The following NRXN1 variants were observed in gnomAD, a reference collection of about 807,000 sequenced individuals.
NRXN1 encodes the protein neurexin 1.
NRXN1 carries 39 observed loss-of-function variants against 150.9 expected under a neutral mutation model. The ratio of observed to expected loss-of-function variants is 0.26; its 90% confidence interval spans 0.20 to 0.34. The LOEUF is 0.34. Among genes scored for constraint, NRXN1 ranks in the 10% least tolerant of loss-of-function variants. The pLI is 1.00. For synonymous variants in NRXN1, 924 were observed against 757.0 expected, an observed-to-expected ratio of 1.22 and a Z score of -3.62; for missense variants, 1,815 against 1,949.9, an observed-to-expected ratio of 0.93 and a Z score of 1.30.
At chr2:50,720,890 G>C (rs1318919582) in intron 5 of NRXN1, among the ~76,000 whole-genome samples, 1 of 152,072 alleles carries the variant, frequency 6.6e-6, no homozygotes, top group African/African-American at 2.4e-5. Context: ...TGAACAGCTT[G>C]TCACTCCTAG....
intron 5 of NRXN1, among the ~76,000 whole-genome samples, chr2:50,921,628 A>G (rs1445653261): frequency 6.6e-6 from 1 of 151,822 alleles, no homozygotes; most frequent in Non-Finnish European, 1.5e-5. Flanking sequence ...TTCTAAATAT[A>G]TTAATTATGT....
intron 17 of NRXN1, among the ~76,000 whole-genome samples, chr2:50,239,199 T>G (rs2065758368): frequency 6.6e-6 from 1 of 151,926 alleles, no homozygotes; most frequent in Admixed American, 6.6e-5. Flanking sequence ...AGCCCATTGT[T>G]GATAAAAATA....
chr2:50,346,542 A>T lies in NRXN1; in HGVS notation c.3365-109572T>A. On this transcript the variant is annotated intron_variant, in intron 17 of 22. Coordinates refer to ENST00000401669, the MANE Select transcript of NRXN1 (RefSeq NM_001330078.2). The surrounding 1 kb of genome is among the most constrained non-coding windows in gnomAD (Gnocchi z 5.0). ...CATCCCCTTTCTATTGTCTTCAAAG[A>T]GATAAGTGGCTCGCACCAAGCACAC... is the stretch of plus-strand genomic sequence containing the variant. 2 of 808,930 alleles carry T rather than the reference A, an allele frequency of 2.5e-6. No homozygotes were observed. Among genetic ancestry groups the T allele is most frequent in the East Asian group, 2.8e-5 (1 of 36,272 alleles). The allele number at this position is 808,930 out of a possible 1,614,324, so 50.1% of individuals were successfully genotyped here.
In NRXN1 at chr2:50,785,472, T is replaced by TTCCC. The variant is rs112451602; in HGVS notation, c.832+136393_832+136396dup. Among the ~76,000 whole-genome samples, 326 of 152,104 alleles carry TTCCC rather than the reference T, an allele frequency of 2.1e-3. 5 individuals carry two copies. Among genetic ancestry groups the TTCCC allele is most frequent in the African/African-American group, 7.7e-3 (318 of 41,536 alleles). ...ACCCTGTTAGCCAGAATGGTCTTGA[T>TTCCC]TCCCTGACCTCATGGTCCGCCCGCC... is the stretch of plus-strand genomic sequence containing the variant. On this transcript the variant is annotated intron_variant, in intron 5 of 22. Coordinates refer to ENST00000401669, the MANE Select transcript of NRXN1 (RefSeq NM_001330078.2).
intron 2 of NRXN1, among the ~76,000 whole-genome samples, chr2:51,018,623 C>T (rs1669113402): frequency 6.6e-6 from 1 of 152,150 alleles, no homozygotes; most frequent in South Asian, 2.1e-4. Context: ...GCCCACTGTA[C>T]CATCATCTAG....
At chr2:50,393,438 G>C (rs184615948) in intron 17 of NRXN1, among the ~76,000 whole-genome samples, 2 of 152,114 alleles carry the variant, frequency 1.3e-5, no homozygotes. Flanking sequence ...AGGATTACAG[G>C]ATAGTGTGCT....
At chr2:50,061,124 T>A (rs1573673648) in intron 19 of NRXN1, among the ~76,000 whole-genome samples, 1 of 152,318 alleles carries the variant, frequency 6.6e-6, no homozygotes, top group East Asian at 1.9e-4. Flanking sequence ...TTATTTTAAA[T>A]AATTTCTCAA....
At chr2:50,662,538 C>T (rs932490681) in intron 5 of NRXN1, among the ~76,000 whole-genome samples, 7 of 152,002 alleles carry the variant, frequency 4.6e-5, no homozygotes, top group Admixed American at 4.6e-4. Flanking sequence ...TTGAATGCAG[C>T]CCAACACAAA....
chr2:50,279,221 A>G (rs920026648), intron 17 of NRXN1, among the ~76,000 whole-genome samples: 5 of 152,196 alleles, frequency 3.3e-5, no homozygotes, highest in African/African-American at 9.6e-5. Flanking sequence ...ACAGTTATCT[A>G]TAAAACAGCC....
At chr2:50,229,916 A>T (rs535534445) in intron 18 of NRXN1, among the ~76,000 whole-genome samples, 71 of 152,224 alleles carry the variant, frequency 4.7e-4, no homozygotes, top group Non-Finnish European at 9.1e-4. Context: ...TGGCATAAGA[A>T]ACAGGGTTTC....
intron 17 of NRXN1, among the ~76,000 whole-genome samples, chr2:50,322,342 T>C (rs923890755): frequency 1.3e-5 from 2 of 152,194 alleles, no homozygotes; most frequent in Non-Finnish European, 2.9e-5. Flanking sequence ...ATGAGCAAGC[T>C]GGTTGCATTT....
chr2:51,031,281 G>C (rs1273277641), intron 1 of NRXN1, among the ~76,000 whole-genome samples: 1 of 152,062 alleles, frequency 6.6e-6, no homozygotes, highest in Non-Finnish European at 1.5e-5. Context: ...TTCAAAAGCA[G>C]ACTAACAGCA....
chr2:50,094,557 C>A (rs1699976180), intron 18 of NRXN1, among the ~76,000 whole-genome samples: 1 of 152,046 alleles, frequency 6.6e-6, no homozygotes, highest in Admixed American at 6.6e-5. Context: ...ACTGAGAAAT[C>A]TTCAAGGGAA....
At chr2:50,933,907 A>G (rs1190991051) in intron 2 of NRXN1, among the ~76,000 whole-genome samples, 1 of 152,196 alleles carries the variant, frequency 6.6e-6, no homozygotes, top group African/African-American at 2.4e-5. Context: ...TTAAAAATGT[A>G]TAATAAGAAG....
chr2:50,326,407 T>A (rs1264465349), intron 17 of NRXN1, among the ~76,000 whole-genome samples: 1 of 152,346 alleles, frequency 6.6e-6, no homozygotes, highest in East Asian at 1.9e-4. Flanking sequence ...ACTTAGCCCA[T>A]GTAAAAGTAG....
At chr2:50,473,756 G>T (rs1014258256) in intron 15 of NRXN1, among the ~76,000 whole-genome samples, 1 of 151,984 alleles carries the variant, frequency 6.6e-6, no homozygotes, top group Admixed American at 6.6e-5. Flanking sequence ...AGACTGTTGA[G>T]CTGTGAGTAA....
At chr2:50,218,255 A>C (rs2152853297) in intron 18 of NRXN1, among the ~76,000 whole-genome samples, 1 of 152,178 alleles carries the variant, frequency 6.6e-6, no homozygotes, top group Admixed American at 6.6e-5. Context: ...GAAGCTAACA[A>C]GGTTCTGTTC....
At chr2:50,983,767 A>C (rs1212069249) in intron 2 of NRXN1, among the ~76,000 whole-genome samples, 1 of 152,098 alleles carries the variant, frequency 6.6e-6, no homozygotes, top group African/African-American at 2.4e-5. Flanking sequence ...GCCAGGATGG[A>C]TCTTGTCTAT....
intron 17 of NRXN1, among the ~76,000 whole-genome samples, chr2:50,354,554 C>CATATATATATATATATATATATAT (rs71404946): frequency 7.0e-5 from 7 of 100,108 alleles, no homozygotes; most frequent in South Asian, 3.4e-4. Context: ...AGAGTGCATA[C>CATATATATATATATATATATATAT]ATATATATAT....
Sources: allele counts gnomAD v4.1 joint callset (sites outside exome capture counted in the v4.1 genomes callset), GRCh38; gene constraint gnomAD v4.1.1; non-coding constraint Gnocchi (gnomAD v3.1); transcripts MANE v1.5; gene names NCBI Gene and HGNC (gene_info 2026-07-23, HGNC 2026-07-21).